The following NUP107 variants were observed in gnomAD, a reference collection of about 807,000 sequenced individuals.
NUP107 encodes nucleoporin 107, also known as nuclear pore complex protein Nup107.
Under a neutral mutation model 141.0 loss-of-function variants are expected in NUP107, and 101 were observed. The ratio of observed to expected loss-of-function variants is 0.72; its 90% confidence interval spans 0.61 to 0.84. The LOEUF (loss-of-function observed/expected upper bound fraction) is 0.84, where lower values mean the gene tolerates loss of function less well. Among genes scored for constraint, NUP107 ranks in the 40% least tolerant of loss-of-function variants. The pLI is 0.00. For synonymous variants in NUP107, 319 were observed against 363.9 expected, an observed-to-expected ratio of 0.88 and a Z score of 1.41; for missense variants, 941 against 1,102.7, an observed-to-expected ratio of 0.85 and a Z score of 2.08.
intron 11 of NUP107, among the ~76,000 whole-genome samples, 165 bp from the exon 12 acceptor site, chr12:68,715,461 TC>T (rs1201486016): frequency 1.3e-5 from 2 of 151,980 alleles, no homozygotes; most frequent in African/African-American, 4.8e-5. Flanking sequence ...GCCACTGCAC[TC>T]CAGCCTGGGC....
At chr12:68,713,461 C>T (rs1471280042) in intron 10 of NUP107, among the ~76,000 whole-genome samples, 1 of 150,114 alleles carries the variant, frequency 6.7e-6, no homozygotes. Context: ...AGAACTATAA[C>T]TCAATAGTAG....
chr12:68,740,053 T>C (rs1368134948), intron 26 of NUP107: 1 of 152,224 alleles, frequency 6.6e-6, no homozygotes, highest in Non-Finnish European at 1.5e-5. Context: ...TCGGAATTCA[T>C]TATAATTAGC....
intron 26 of NUP107, among the ~76,000 whole-genome samples, chr12:68,737,851 G>C (rs1434552893): frequency 6.6e-6 from 1 of 152,152 alleles, no homozygotes; most frequent in Non-Finnish European, 1.5e-5. Context: ...TTAGAAAATT[G>C]TAATTCTATC....
chr12:68,722,028 A>G, intron 16 of NUP107, 42 bp downstream of exon 16: 1 of 1,611,120 alleles, frequency 6.2e-7, no homozygotes. Flanking sequence ...GATTTGTAGC[A>G]TGCTCTTTGA....
rs893964788 is a variant in NUP107 at position 68,703,261 on chromosome 12, G to C, written c.729+477G>C. 7.9e-5 allele frequency among the ~76,000 whole-genome samples: 12 copies of C among 152,094 alleles called. 1 individual carries two copies. Among genetic ancestry groups the C allele is most frequent in the South Asian group, 2.1e-4 (1 of 4,830 alleles). On this transcript the variant is annotated intron_variant, in intron 8 of 27. Coordinates refer to ENST00000229179, the MANE Select transcript of NUP107 (RefSeq NM_020401.4). The stretch of plus-strand genomic sequence containing the variant: ...TATTGATTTATATTAGAGAGTTAGA[G>C]GTAAAAGTCCCTTTTTATCCCACTG...
At chr12:68,720,003 A>G (rs1423234823) in intron 14 of NUP107, among the ~76,000 whole-genome samples, 6 of 152,226 alleles carry the variant, frequency 3.9e-5, no homozygotes, top group African/African-American at 1.4e-4. Context: ...AATTCCAGGT[A>G]GGATACATAG....
chr12:68,690,295 A>G (rs1185711408), intron 3 of NUP107, among the ~76,000 whole-genome samples: 3 of 151,984 alleles, frequency 2.0e-5, no homozygotes, highest in African/African-American at 2.4e-5. Flanking sequence ...GTTTATGCCC[A>G]CTACACTGCA....
chr12:68,741,792 T>C, intron 26 of NUP107, 21 bp from the exon 27 acceptor site: 1 of 1,598,600 alleles, frequency 6.3e-7, no homozygotes, highest in Middle Eastern at 1.7e-4. Flanking sequence ...GTTAAAATGA[T>C]TTATTGATGT....
rs1310070829 is a variant in NUP107, at chr12:68,721,106, A to G, written c.1252-12A>G. On this transcript the variant is annotated splice_polypyrimidine_tract_variant and intron_variant, in intron 14 of 27. Transcript: ENST00000229179. ...CAATATTTCAAATTTGTTTATATTC[A>G]TTGTGTTTTAGGAGCTTTTTAATAG... 2 of 1,555,154 alleles carry G rather than the reference A, an allele frequency of 1.3e-6. No homozygotes were observed. The highest frequency in any genetic ancestry group is 1.8e-6 in the Non-Finnish European group (2 of 1,135,418).
At chr12:68,729,222 G>C (rs1003163183) in intron 20 of NUP107, among the ~76,000 whole-genome samples, 5 of 152,130 alleles carry the variant, frequency 3.3e-5, no homozygotes, top group African/African-American at 1.2e-4. Flanking sequence ...CAGTAGTATA[G>C]TATCTACTAC....
At position 68,691,873 on chromosome 12, in the gene NUP107, T is replaced by C. The variant is rs573002917; in HGVS notation, c.304-95T>C. ...AAAAAAAAAGACGCATACATACATA[T>C]AATTTTTAGAAACCTTATTTGTTTT... On this transcript the variant is annotated intron_variant, in intron 4 of 27. Coordinates refer to ENST00000229179, the MANE Select transcript of NUP107 (RefSeq NM_020401.4). 1.3e-3 allele frequency: 1,281 copies of C among 1,010,614 alleles called. 3 individuals carry two copies. The highest frequency in any genetic ancestry group is 1.6e-3 in the Non-Finnish European group (1,174 of 732,704). The allele number at this position is 1,010,614 out of a possible 1,614,324, so 62.6% of individuals were successfully genotyped here. A position where few individuals can be genotyped will look rare whatever the true frequency, so the allele number is the denominator to read the frequency against.
chr12:68,715,634 A>G lies in NUP107; in HGVS notation c.977A>G (p.Asp326Gly). 6.2e-7 allele frequency: 1 copy of G among 1,602,532 alleles called. No individual in the cohort carries two copies. The highest frequency in any genetic ancestry group is 8.5e-7 in the Non-Finnish European group (1 of 1,169,628). ...VRPLVTELDPDAPIRQKMPLD... is the reference protein window; with the variant it reads ...VRPLVTELDPGAPIRQKMPLD... ...TTTTTTTTCTTCTTACAGGACCCTG[A>G]TGCTCCCATAAGACAGAAAATGCCC... Residue 326 changes from aspartate to glycine, a missense_variant, in exon 12 of 28, where the codon GAT becomes GGT. Transcript: ENST00000229179.
At chr12:68,741,415 C>T (rs781152261) in intron 26 of NUP107, among the ~76,000 whole-genome samples, 3 of 152,168 alleles carry the variant, frequency 2.0e-5, no homozygotes, top group South Asian at 2.1e-4. Flanking sequence ...GTGTGCCCCT[C>T]CCCACATCGT....
In NUP107 at chr12:68,688,512, TTTGTTG is replaced by T. The variant is rs943487778; in HGVS notation, c.9-438_9-433del. ...TTTGTTGTTGTTGTTGCAAGCTCTG[TTTGTTG>T]TTGTTGTTGTTTGTTTGTTTTTTAA... is the stretch of plus-strand genomic sequence containing the variant. On this transcript the variant is annotated intron_variant, in intron 1 of 27. Transcript: ENST00000229179. Among the ~76,000 whole-genome samples, 5 of 152,240 alleles carry T rather than the reference TTTGTTG, an allele frequency of 3.3e-5. No homozygotes were observed. The South Asian group carries it at 8.3e-4, about 25-fold the overall frequency.
intron 5 of NUP107, among the ~76,000 whole-genome samples, chr12:68,694,857 T>C (rs1875976174): frequency 6.6e-6 from 1 of 152,138 alleles, no homozygotes; most frequent in East Asian, 1.9e-4. Context: ...GCTGAGATCA[T>C]GCCATTGCAC....
intron 1 of NUP107, 78 bp from the exon 2 acceptor site, chr12:68,688,884 C>T (rs1565683908): frequency 1.8e-6 from 2 of 1,103,158 alleles, no homozygotes; most frequent in Non-Finnish European, 1.3e-6. Context: ...GGGTCCTTTA[C>T]TCCAACTGTG....
chr12:68,727,407 AC>A lies in NUP107; in HGVS notation c.1734+19del. The stretch of plus-strand genomic sequence containing the variant: ...ACATACAGGTAAACTTTGAGAACCT[AC>A]AACCTGATTGTTTTTTACTATTTTA... On this transcript the variant is annotated intron_variant, in intron 20 of 27. Coordinates refer to ENST00000229179, the MANE Select transcript of NUP107 (RefSeq NM_020401.4). 2 of 1,406,550 alleles carry A rather than the reference AC, an allele frequency of 1.4e-6. No individual in the cohort carries two copies. The highest frequency in any genetic ancestry group is 2.9e-5 in the African/African-American group (2 of 70,028). 87.1% of individuals were successfully genotyped at this position (1,406,550 alleles called of 1,614,324 possible).
chr12:68,717,370 A>T (rs1877158877), intron 12 of NUP107, among the ~76,000 whole-genome samples: 1 of 152,108 alleles, frequency 6.6e-6, no homozygotes, highest in Non-Finnish European at 1.5e-5. Flanking sequence ...CATACTATAC[A>T]TTCAAGTTTT....
chr12:68,731,585 G>T, intron 21 of NUP107, 22 bp from the exon 22 acceptor site: 1 of 1,407,374 alleles, frequency 7.1e-7, no homozygotes, highest in Non-Finnish European at 9.6e-7. Context: ...TTTGTTTTTT[G>T]TCGCTTCAAA....
Sources: allele counts gnomAD v4.1 joint callset (sites outside exome capture counted in the v4.1 genomes callset), GRCh38; gene constraint gnomAD v4.1.1; transcripts MANE v1.5; gene names NCBI Gene and HGNC (gene_info 2026-07-23, HGNC 2026-07-21).